SLC22A23: variants seen among roughly 807,000 people sequenced by gnomAD.
SLC22A23 encodes the protein solute carrier family 22 member 23, also known as ion transporter protein.
A neutral mutation model predicts 61.0 loss-of-function variants in SLC22A23; 26 were observed. The observed-to-expected ratio is 0.43, with a 90% confidence interval of 0.31 to 0.59. SLC22A23 has a LOEUF of 0.59. Ranked by LOEUF, SLC22A23 falls within the 20% of genes least tolerant of loss-of-function variation. The pLI is 0.11. For missense variants in SLC22A23, 796 were observed against 934.7 expected, an observed-to-expected ratio of 0.85 and a Z score of 1.94; for synonymous variants, 430 against 413.9, an observed-to-expected ratio of 1.04 and a Z score of -0.47.
chr6:3,363,723 G>A (rs1204005074), intron 3 of SLC22A23, among the ~76,000 whole-genome samples: 3 of 152,244 alleles, frequency 2.0e-5, no homozygotes, highest in African/African-American at 7.2e-5. Context: ...CCGCTGCCAC[G>A]TTCTGGAGAG....
At chr6:3,339,774 T>A (rs1764052564) in intron 3 of SLC22A23, among the ~76,000 whole-genome samples, 1 of 152,220 alleles carries the variant, frequency 6.6e-6, no homozygotes, top group Non-Finnish European at 1.5e-5. Flanking sequence ...ACCCCTTGTT[T>A]AGCATATCAT....
intron 1 of SLC22A23, among the ~76,000 whole-genome samples, chr6:3,429,560 A>G (rs146455252): frequency 1.1e-4 from 17 of 152,076 alleles, no homozygotes; most frequent in African/African-American, 3.6e-4. Context: ...TAGTCTGTAG[A>G]CCCCCCAAAA....
intron 4 of SLC22A23, 54 bp downstream of exon 4, chr6:3,323,780 T>G (rs1443908012): frequency 6.4e-7 from 1 of 1,556,946 alleles, no homozygotes; most frequent in Non-Finnish European, 8.7e-7. Context: ...GGCCGGGCCT[T>G]CAGGAAGCAT....
intron 9 of SLC22A23, among the ~76,000 whole-genome samples, 188 bp from the exon 10 acceptor site, chr6:3,273,600 G>A (rs746024170): frequency 1.9e-4 from 29 of 152,186 alleles, no homozygotes; most frequent in Admixed American, 4.6e-4. Context: ...GCCACTCTAC[G>A]GCAGTGACTG....
At chr6:3,298,279 T>C in intron 4 of SLC22A23, 61 bp from the exon 5 acceptor site, 3 of 1,538,634 alleles carry the variant, frequency 1.9e-6, no homozygotes, top group Non-Finnish European at 2.6e-6. Flanking sequence ...CCGGGAAGTG[T>C]GGCTTAGGTG....
At chr6:3,405,060 A>G (rs1581829910) in intron 3 of SLC22A23, among the ~76,000 whole-genome samples, 1 of 152,056 alleles carries the variant, frequency 6.6e-6, no homozygotes, top group Non-Finnish European at 1.5e-5. Flanking sequence ...GGAGATCGAG[A>G]CCAGCCTGGC....
intron 1 of SLC22A23, among the ~76,000 whole-genome samples, chr6:3,423,354 G>GT (rs1770275439): frequency 1.3e-5 from 2 of 152,098 alleles, no homozygotes; most frequent in South Asian, 4.1e-4. Flanking sequence ...TCTCAGCAGA[G>GT]GTTTGCATTA....
Position 3,333,245 on chromosome 6 carries a change from T to G in SLC22A23, c.914-9243A>C, listed in dbSNP as rs542649805. Among the ~76,000 whole-genome samples, 5 of 152,308 alleles carry G rather than the reference T, an allele frequency of 3.3e-5. 1 individual carries two copies. The highest frequency in any genetic ancestry group is 1.2e-4 in the African/African-American group (5 of 41,566). On this transcript the variant is annotated intron_variant, in intron 3 of 9. Coordinates refer to ENST00000406686, the MANE Select transcript of SLC22A23 (RefSeq NM_015482.2). The surrounding 1 kb of genome is among the most constrained non-coding windows in gnomAD (Gnocchi z 4.1). Reference sequence around the variant, plus strand: ...TTGAATTACTTTGGAAGGAAGAACTTGTATTCAGCAACAAGGGCCAGCTCT... The same window carrying G: ...TTGAATTACTTTGGAAGGAAGAACTGGTATTCAGCAACAAGGGCCAGCTCT...
rs887626106 is a variant in SLC22A23, at chr6:3,427,112, G to A, written c.655-11257C>T. On this transcript the variant is annotated intron_variant, in intron 1 of 9. Coordinates refer to ENST00000406686, the MANE Select transcript of SLC22A23 (RefSeq NM_015482.2). This position sits in a 1 kb window ranked among gnomAD's most constrained non-coding sequence, Gnocchi z 4.3. ...AAGCCCCAGTTTTATTTCTAGTTTC[G>A]CCCCGCGGTCATCAGGGCAAGCTTT... 1.3e-5 allele frequency among the ~76,000 whole-genome samples: 2 copies of A among 152,268 alleles called. No homozygotes were observed. Among genetic ancestry groups the A allele is most frequent in the African/African-American group, 4.8e-5 (2 of 41,548 alleles).
chr6:3,297,416 A>T lies in SLC22A23; in HGVS notation c.1210+675T>A, dbSNP rs1761204536. 1.3e-5 allele frequency among the ~76,000 whole-genome samples: 2 copies of T among 152,206 alleles called. No homozygotes were observed. ...CGGAAATCTGTATACCACTTGCATC[A>T]GAATCTCTTCTAGTGCTTATTAGAA... On this transcript the variant is annotated intron_variant, in intron 5 of 9. Coordinates refer to ENST00000406686, the MANE Select transcript of SLC22A23 (RefSeq NM_015482.2). This position sits in a 1 kb window ranked among gnomAD's most constrained non-coding sequence, Gnocchi z 4.3.
intron 3 of SLC22A23, among the ~76,000 whole-genome samples, chr6:3,369,819 C>T (rs111653412): frequency 0.016 from 2,508 of 152,354 alleles, 34 homozygotes; most frequent in Non-Finnish European, 0.028. Context: ...TGTGTGCACA[C>T]GCACATGTAA....
At chr6:3,407,030 A>G (rs1042688013) in intron 3 of SLC22A23, among the ~76,000 whole-genome samples, 2 of 152,194 alleles carry the variant, frequency 1.3e-5, no homozygotes, top group African/African-American at 2.4e-5. Context: ...CTGCAAGACT[A>G]AAAAAAGAAT....
At chr6:3,447,043 A>G (rs9502008) in intron 1 of SLC22A23, among the ~76,000 whole-genome samples, 103,806 of 152,112 alleles carry the variant, frequency 0.68, 35,578 homozygotes, top group South Asian at 0.77. Context: ...CTTTTCAAAA[A>G]TACGAACTCT....
chr6:3,448,055 A>G (rs1472185863), intron 1 of SLC22A23, among the ~76,000 whole-genome samples: 6 of 150,798 alleles, frequency 4.0e-5, no homozygotes, highest in African/African-American at 1.5e-4. Context: ...GGCACCCACC[A>G]CCATGCCCAG....
Position 3,289,749 on chromosome 6 carries a change from T to C in SLC22A23, c.1313+15A>G, listed in dbSNP as rs4959230. ...CCCCCTCCCACCCAGCTGGCACTTG[T>C]CCTCTGTGACTCACGAGTTCACACA... is the stretch of plus-strand genomic sequence containing the variant. On this transcript the variant is annotated intron_variant, in intron 6 of 9. Coordinates refer to ENST00000406686, the MANE Select transcript of SLC22A23 (RefSeq NM_015482.2). The C allele has an allele frequency of 0.18, 292,448 of 1,610,326 alleles. 36,922 individuals are homozygous for C. The highest frequency in any genetic ancestry group is 0.52 in the African/African-American group (39,006 of 74,874).
intron 3 of SLC22A23, among the ~76,000 whole-genome samples, chr6:3,385,585 G>C (rs1042540287): frequency 2.0e-5 from 3 of 152,198 alleles, no homozygotes; most frequent in Middle Eastern, 3.2e-3. Flanking sequence ...CAAACAGAAA[G>C]TTGTAAAACA....
At chr6:3,424,329 G>A (rs1177711491) in intron 1 of SLC22A23, among the ~76,000 whole-genome samples, 1 of 152,166 alleles carries the variant, frequency 6.6e-6, no homozygotes, top group Non-Finnish European at 1.5e-5. Flanking sequence ...CTGCTTTAAA[G>A]GACAAACCTC....
intron 5 of SLC22A23, among the ~76,000 whole-genome samples, chr6:3,296,048 C>T (rs1379043652): frequency 1.3e-5 from 2 of 152,056 alleles, no homozygotes; most frequent in South Asian, 2.1e-4. Context: ...TTTGAGAAAA[C>T]AAGCTATTCC....
At chr6:3,312,283 T>C (rs9378780) in intron 4 of SLC22A23, 35,153 of 152,158 alleles carry the variant, frequency 0.23, 4,990 homozygotes, top group East Asian at 0.35. Flanking sequence ...CTTCTCCCTC[T>C]GTCTGCACCT....
Sources: allele counts gnomAD v4.1 joint callset (sites outside exome capture counted in the v4.1 genomes callset), GRCh38; gene constraint gnomAD v4.1.1; non-coding constraint Gnocchi (gnomAD v3.1); transcripts MANE v1.5; gene names NCBI Gene and HGNC (gene_info 2026-07-23, HGNC 2026-07-21).